Variants in ATP6AP2 observed in about 807,000 individuals in gnomAD.
ATP6AP2 encodes the protein ATPase H+ transporting accessory protein 2, also known as renin receptor.
Under a neutral mutation model 23.4 loss-of-function variants are expected in ATP6AP2, and 1 was observed. The ratio of observed to expected loss-of-function variants is 0.04; its 90% CI spans 0.02 to 0.20. The LOEUF (loss-of-function observed/expected upper bound fraction) is 0.20. Among genes scored for constraint, ATP6AP2 ranks in the 10% least tolerant of loss-of-function variants. The pLI, the probability that ATP6AP2 is intolerant of heterozygous loss-of-function variation, is 1.00. For missense variants in ATP6AP2, 174 were observed against 271.3 expected (o/e 0.64, Z 2.52); for synonymous variants, 90 against 97.1 (o/e 0.93, Z 0.43).
chrX:40,583,003 C>CT (rs1374858590), intron 1 of ATP6AP2, among the ~76,000 whole-genome samples: 3 of 112,074 alleles, frequency 2.7e-5, no homozygotes, highest in South Asian at 3.6e-4. Context: ...TGGAAAACAT[C>CT]TTTAAGAGCT....
chrX:40,591,213 T>C, intron 2 of ATP6AP2, 21 bp from the exon 3 acceptor site: 3 of 1,209,519 alleles, frequency 2.5e-6, no homozygotes, highest in Non-Finnish European at 3.4e-6. Context: ...TAAGCACCGC[T>C]TTGTGCTTTT....
chrX:40,605,319 C>T (rs1927045138), intron 8 of ATP6AP2: 1 of 397,823 alleles, frequency 2.5e-6, no homozygotes, highest in Non-Finnish European at 4.4e-6. Context: ...GATATGCACA[C>T]CTTCAACTTT....
intron 1 of ATP6AP2, among the ~76,000 whole-genome samples, chrX:40,587,616 A>G (rs1488127727): frequency 1.8e-5 from 2 of 112,486 alleles, no homozygotes; most frequent in Non-Finnish European, 3.8e-5. Flanking sequence ...AGAGAATAAC[A>G]CTGATTCTTT....
At chrX:40,597,712 T>C in intron 5 of ATP6AP2, 48 bp downstream of exon 5, 1 of 1,150,453 alleles carries the variant, frequency 8.7e-7, no homozygotes, top group Non-Finnish European at 1.2e-6. Flanking sequence ...AATTTCCGTC[T>C]TTTTAAAAAA....
chrX:40,590,261 G>C (rs1436397259), intron 2 of ATP6AP2: 3 of 112,235 alleles, frequency 2.7e-5, no homozygotes, highest in African/African-American at 9.7e-5. Flanking sequence ...ATGTTGTCCA[G>C]GCTGGTAGGT....
At position 40,584,364 on chromosome X, in the gene ATP6AP2, CTT is replaced by C. The variant is rs35576735; in HGVS notation, c.37+3278_37+3279del. Among the ~76,000 whole-genome samples the C allele has an allele frequency of 1.5e-3, 132 of 87,231 alleles. 1 individual carries two copies. Among genetic ancestry groups the C allele is most frequent in the East Asian group, 4.3e-3 (12 of 2,769 alleles). 75.7% of individuals were successfully genotyped at this position (87,231 alleles called of 115,157 possible). A position where few individuals can be genotyped will look rare whatever the true frequency, so the allele number is the denominator to read the frequency against. ...GTGAGCCATCGCACCCAGCCTCTAT[CTT>C]TTTTTTTTTTTTTTTCCTTTTTTGA... On this transcript the variant is annotated intron_variant, in intron 1 of 8. Coordinates refer to ENST00000636580, the MANE Select transcript of ATP6AP2 (RefSeq NM_005765.3).
At chrX:40,584,137 T>C (rs1926398910) in intron 1 of ATP6AP2, among the ~76,000 whole-genome samples, 1 of 109,800 alleles carries the variant, frequency 9.1e-6, no homozygotes, top group Non-Finnish European at 1.9e-5. Flanking sequence ...AGTGCACTGG[T>C]GTGATCACAG....
Position 40,591,290 on chromosome X carries a change from C to A in ATP6AP2, c.225C>A (p.Thr75=), listed in dbSNP as rs895752312. Residue 75 remains threonine (T), a synonymous_variant, in exon 3 of 9, where the codon ACC becomes ACA. Transcript: ENST00000636580. ...VGNLFHRPRA[T]VMVMVKGVNK... is the part of the protein sequence containing the mutation. ...ACCTGTTTCATCGTCCTCGGGCTAC[C>A]GTCATGGTGATGGTGAAGGGAGTGA... The A allele has an allele frequency of 8.3e-7, 1 of 1,209,045 alleles. No individual in the cohort carries two copies. The highest frequency in any genetic ancestry group is 1.1e-6 in the Non-Finnish European group (1 of 895,003).
At chrX:40,597,228 G>T in intron 3 of ATP6AP2, 21 bp from the exon 4 acceptor site, 1 of 1,111,735 alleles carries the variant, frequency 9.0e-7, no homozygotes, top group Non-Finnish European at 1.2e-6. Context: ...TAATAATTGC[G>T]TTCTTACTCT....
chrX:40,600,132 G>A, intron 7 of ATP6AP2: 2 of 227,102 alleles, frequency 8.8e-6, no homozygotes, highest in South Asian at 1.1e-4. Flanking sequence ...CTGAAACTCT[G>A]TACTCCTTAA....
chrX:40,604,152 C>T (rs1263416777), intron 8 of ATP6AP2, among the ~76,000 whole-genome samples: 1 of 105,603 alleles, frequency 9.5e-6, no homozygotes, highest in African/African-American at 3.8e-5. Context: ...TTTTACACAG[C>T]TCTGTATTTT....
chrX:40,594,374 G>C (rs1412359553), intron 3 of ATP6AP2, among the ~76,000 whole-genome samples: 1 of 112,524 alleles, frequency 8.9e-6, no homozygotes, highest in Admixed American at 9.5e-5. Context: ...AAAGCTGTGA[G>C]GGAGAAAAGA....
chrX:40,600,941 A>AAC (rs1223425074), intron 8 of ATP6AP2, 60 bp downstream of exon 8: 79 of 1,127,066 alleles, frequency 7.0e-5, no homozygotes, highest in Admixed American at 1.2e-4. Context: ...TAAAAAAAAA[A>AAC]AAACCAAGTC....
intron 3 of ATP6AP2, 108 bp downstream of exon 3, chrX:40,591,473 A>G (rs1926626338): frequency 1.1e-6 from 1 of 929,268 alleles, no homozygotes; most frequent in African/African-American, 2.0e-5. Context: ...TTTTTGATGC[A>G]CAGTTTCTTT....
chrX:40,601,050 TG>T lies in ATP6AP2; in HGVS notation c.858+170del, dbSNP rs1354385473. 3 of 473,952 alleles carry T rather than the reference TG, an allele frequency of 6.3e-6. No individual in the cohort carries two copies. In the Admixed American group the frequency reaches 1.2e-4, roughly 19 times the overall value. The allele number at this position is 473,952 out of a possible 1,213,427, so 39.1% of individuals were successfully genotyped here. A position where few individuals can be genotyped will look rare whatever the true frequency, so the allele number is the denominator to read the frequency against. On this transcript the variant is annotated intron_variant, in intron 8 of 8. Coordinates refer to ENST00000636580, the MANE Select transcript of ATP6AP2 (RefSeq NM_005765.3). ...CTTGTTCACATACATATGTGTGCTT[TG>T]CCAGTGATGATCAGTTCTTTAGGGT...
rs190716993 is a variant in ATP6AP2 at position 40,585,097 on chromosome X, G to C, written c.38-3889G>C. Among the ~76,000 whole-genome samples the C allele has an allele frequency of 2.9e-3, 320 of 112,244 alleles. 1 individual carries two copies. The highest frequency in any genetic ancestry group is 0.01 in the African/African-American group (312 of 30,916). ...ATAATGGTCAGGTATTTTGTAGACT[G>C]TCCCTCAATTTGGGTTTATCTGATG... On this transcript the variant is annotated intron_variant, in intron 1 of 8. Transcript: ENST00000636580.
At chrX:40,594,149 T>C (rs954675334) in intron 3 of ATP6AP2, among the ~76,000 whole-genome samples, 2 of 112,544 alleles carry the variant, frequency 1.8e-5, no homozygotes, top group African/African-American at 6.5e-5. Context: ...CAGTCTACTT[T>C]GTAAACTTAT....
Position 40,605,794 on chromosome X carries a change from T to C in ATP6AP2, c.*39T>C, listed in dbSNP as rs774306285. Reference sequence around the variant, plus strand: ...CAGAATTAGAAAAGGGGGTTGGAAATTGGCTGTTTTGTTAAAATATATCTT... The same window carrying C: ...CAGAATTAGAAAAGGGGGTTGGAAACTGGCTGTTTTGTTAAAATATATCTT... On this transcript the variant is annotated 3_prime_UTR_variant, in exon 9 of 9. Transcript: ENST00000636580. 9.1e-7 allele frequency: 1 copy of C among 1,101,533 alleles called. No individual in the cohort carries two copies. Among genetic ancestry groups the C allele is most frequent in the African/African-American group, 1.8e-5 (1 of 55,013 alleles). The allele number at this position is 1,101,533 out of a possible 1,213,427, so 90.8% of individuals were successfully genotyped here.
intron 8 of ATP6AP2, among the ~76,000 whole-genome samples, chrX:40,601,500 G>C (rs1295793667): frequency 9.0e-6 from 1 of 111,646 alleles, no homozygotes; most frequent in Non-Finnish European, 1.9e-5. Flanking sequence ...CATTTAGAGG[G>C]TCAGGGTTAA....
Sources: gnomAD v4.1 joint callset for allele counts (sites outside exome capture counted in the v4.1 genomes callset) on GRCh38, gnomAD v4.1.1 for gene constraint, MANE v1.5 for transcripts, NCBI Gene and HGNC (gene_info 2026-07-23, HGNC 2026-07-21) for gene names.